Variants in TIAM1 observed in about 807,000 individuals in gnomAD.
The protein encoded by TIAM1 is rho guanine nucleotide exchange factor TIAM1.
Under a neutral mutation model 163.5 loss-of-function variants are expected in TIAM1, and 65 were observed. That is an observed-to-expected ratio of 0.40 (90% CI 0.33 to 0.49). The LOEUF is 0.49. Among genes scored for constraint, TIAM1 ranks in the 20% least tolerant of loss-of-function variants. The pLI, the probability that TIAM1 is intolerant of heterozygous loss-of-function variation, is 0.77. For missense variants in TIAM1, 1,789 were observed against 2,044.7 expected, an observed-to-expected ratio of 0.87 and a Z score of 2.41; for synonymous variants, 833 against 810.1, an observed-to-expected ratio of 1.03 and a Z score of -0.48.
At chr21:31,361,307 C>G (rs893035999) in intron 2 of TIAM1, among the ~76,000 whole-genome samples, 3 of 151,878 alleles carry the variant, frequency 2.0e-5, no homozygotes, top group Non-Finnish European at 4.4e-5. Flanking sequence ...AATTAAACTA[C>G]AGTGCTTAAG....
rs1166130926 is a variant in TIAM1, at chr21:31,182,602, A to G, written c.2706T>C (p.Ala902=). 6.2e-7 allele frequency: 1 copy of G among 1,613,540 alleles called. No homozygotes were observed. The highest frequency in any genetic ancestry group is 2.2e-5 in the East Asian group (1 of 44,874). The change falls in exon 15 of 28, where the codon GCT becomes GCC. Residue 902 remains alanine (A), a synonymous_variant. Transcript: ENST00000541036. ...GCATAGAAGAGTTCAGGGCGTCAGC[A>G]GCACGATTATTGATCTCAAGAATCT... ...GDEILEINNR[A]ADALNSSMLK...
At chr21:31,389,681 C>T (rs1050861374) in intron 2 of TIAM1, among the ~76,000 whole-genome samples, 1 of 152,198 alleles carries the variant, frequency 6.6e-6, no homozygotes, top group Non-Finnish European at 1.5e-5. Flanking sequence ...AAGTCCCATG[C>T]GTTGGATACT....
At chr21:31,504,268 G>C (rs2046956777) in intron 1 of TIAM1, among the ~76,000 whole-genome samples, 1 of 152,226 alleles carries the variant, frequency 6.6e-6, no homozygotes, top group East Asian at 1.9e-4. Flanking sequence ...GTAAAAGGGA[G>C]ATCTGATTTA....
chr21:31,342,320 A>C (rs1346694198), intron 1 of TIAM1, among the ~76,000 whole-genome samples: 2 of 152,090 alleles, frequency 1.3e-5, no homozygotes, highest in Admixed American at 1.3e-4. Context: ...AAATATAACC[A>C]ACCAGAGACA....
In TIAM1 at chr21:31,217,597, C is replaced by CT; in HGVS notation, c.2097_2098insA (p.Asp700ArgfsTer33). 1 of 1,614,062 alleles carries CT rather than the reference C, an allele frequency of 6.2e-7. No individual in the cohort carries two copies. Among genetic ancestry groups the CT allele is most frequent in the Admixed American group, 1.7e-5 (1 of 60,000 alleles). ...CCCTGCTTCTTTTTGGAGGTAGTAT[C>CT]CAGACCCCACAGAGAAGAAAACCTG... On this transcript the variant is annotated frameshift_variant, in exon 9 of 28. Transcript: ENST00000541036. LOFTEE classifies it high-confidence loss of function.
chr21:31,316,970 G>A lies in TIAM1; in HGVS notation c.-189+22273C>T, dbSNP rs76690832. Among the ~76,000 whole-genome samples, 742 of 152,264 alleles carry A rather than the reference G, an allele frequency of 4.9e-3. 5 individuals are homozygous for A. Among genetic ancestry groups the A allele is most frequent in the African/African-American group, 0.016 (685 of 41,550 alleles). On this transcript the variant is annotated intron_variant, in intron 2 of 27. Transcript: ENST00000541036. ...GGCCAGGGATGTCCAGGAAACCTACGTTGCTGTACCTCTGAGTCACAACCT... is the reference window on the plus strand; with the variant it reads ...GGCCAGGGATGTCCAGGAAACCTACATTGCTGTACCTCTGAGTCACAACCT...
chr21:31,382,221 G>T (rs1178522668), intron 2 of TIAM1, among the ~76,000 whole-genome samples: 1 of 152,172 alleles, frequency 6.6e-6, no homozygotes, highest in East Asian at 1.9e-4. Flanking sequence ...GAGACCTCTG[G>T]GGCTAGATGT....
rs868585803 is a variant in TIAM1, at chr21:31,225,855, G to A, written c.1680C>T (p.Leu560=). 3.7e-6 allele frequency: 6 copies of A among 1,614,028 alleles called. No homozygotes were observed. The highest frequency in any genetic ancestry group is 5.1e-6 in the Non-Finnish European group (6 of 1,180,052). The change falls in exon 7 of 28, where the codon CTC becomes CTT. Residue 560 remains leucine (L), a synonymous_variant. Transcript: ENST00000541036. ...TTTTGATCTCTGATTTCAGGAGTCG[G>A]AGCGTGTCTTCCTTGTGGTGGTGCC... ...VARHHHKEDT[L]RLLKSEIKKL...
intron 14 of TIAM1, among the ~76,000 whole-genome samples, chr21:31,186,564 G>A (rs2085314290): frequency 6.6e-6 from 1 of 152,098 alleles, no homozygotes; most frequent in African/African-American, 2.4e-5. Context: ...TTGAGCCCAG[G>A]AGCTCAAGAA....
chr21:31,281,531 G>A (rs1382851169), intron 2 of TIAM1, among the ~76,000 whole-genome samples: 38 of 152,180 alleles, frequency 2.5e-4, no homozygotes, highest in Non-Finnish European at 7.3e-5. Context: ...AACAGTGGGG[G>A]CAGAAGTCTT....
At chr21:31,185,413 TATA>T in intron 14 of TIAM1, among the ~76,000 whole-genome samples, 3 of 135,502 alleles carry the variant, frequency 2.2e-5, no homozygotes, top group Non-Finnish European at 4.5e-5. Flanking sequence ...TATAATTATA[TATA>T]ATTATGTTAT....
intron 1 of TIAM1, among the ~76,000 whole-genome samples, chr21:31,505,208 A>G (rs1212755934): frequency 1.3e-5 from 2 of 152,112 alleles, no homozygotes; most frequent in Non-Finnish European, 2.9e-5. Context: ...CAGTTTCCTC[A>G]CCTACAAGAT....
chr21:31,156,512 G>A (rs2083628843), intron 16 of TIAM1, among the ~76,000 whole-genome samples: 1 of 152,154 alleles, frequency 6.6e-6, no homozygotes, highest in South Asian at 2.1e-4. Flanking sequence ...ATCAAAGCTT[G>A]TTTCAGTAGA....
chr21:31,369,000 G>C (rs1218686823), intron 2 of TIAM1, among the ~76,000 whole-genome samples: 1 of 152,130 alleles, frequency 6.6e-6, no homozygotes, highest in Non-Finnish European at 1.5e-5. Context: ...AGCACTTTGG[G>C]AGGCCGAGGC....
At chr21:31,253,377 T>C (rs937340699) in intron 4 of TIAM1, among the ~76,000 whole-genome samples, 1 of 152,266 alleles carries the variant, frequency 6.6e-6, no homozygotes, top group Non-Finnish European at 1.5e-5. Context: ...TGAATTACCA[T>C]ACAAATGAAT....
intron 15 of TIAM1, among the ~76,000 whole-genome samples, chr21:31,169,638 T>C (rs954669849): frequency 6.6e-6 from 1 of 152,122 alleles, no homozygotes; most frequent in African/African-American, 2.4e-5. Context: ...CGCTAAAGGA[T>C]GTACTTTCAG....
rs539933660 is a variant in TIAM1, at chr21:31,506,456, T to G, written c.-421-42421A>C. Among the ~76,000 whole-genome samples, 3 of 152,342 alleles carry G rather than the reference T, an allele frequency of 2.0e-5. No individual in the cohort carries two copies. The South Asian group carries it at 6.2e-4, about 32-fold the overall frequency. ...ATCCATCTTCCGAACTCTTTCCATC[T>G]TGCTAAACTGAAAGTCTATACCCGT... On this transcript the variant is annotated intron_variant, in intron 1 of 28. Coordinates refer to the TIAM1 transcript ENST00000286827.
Position 31,372,701 on chromosome 21 carries a change from G to A in TIAM1, c.-368-33279C>T, listed in dbSNP as rs1035418844. On this transcript the variant is annotated intron_variant, in intron 2 of 28. Transcript: ENST00000286827. Reference sequence around the variant, plus strand: ...AAGATACAAAACTGGCTGGGTAGGTGGCTTACACCTGTAATCCCCCAGCAC... The same window carrying A: ...AAGATACAAAACTGGCTGGGTAGGTAGCTTACACCTGTAATCCCCCAGCAC... Among the ~76,000 whole-genome samples, 3 of 152,278 alleles carry A rather than the reference G, an allele frequency of 2.0e-5. No homozygotes were observed. The East Asian group carries it at 5.8e-4, about 29-fold the overall frequency.
rs531148721 is a variant in TIAM1, at chr21:31,245,043, A to C, written c.1584+445T>G. ...GAAGAGAAACTGTTTAGGTGATGCCAGTCATTTCTGAGATGTCATTATTTT... is the reference window on the plus strand; with the variant it reads ...GAAGAGAAACTGTTTAGGTGATGCCCGTCATTTCTGAGATGTCATTATTTT... On this transcript the variant is annotated intron_variant, in intron 6 of 27. Transcript: ENST00000541036. Among the ~76,000 whole-genome samples, 150 of 152,308 alleles carry C rather than the reference A, an allele frequency of 9.8e-4. 1 individual carries two copies. The highest frequency in any genetic ancestry group is 1.4e-3 in the Admixed American group (22 of 15,294).
Sources: allele counts gnomAD v4.1 joint callset (sites outside exome capture counted in the v4.1 genomes callset), GRCh38; gene constraint gnomAD v4.1.1; transcripts MANE v1.5; gene names NCBI Gene and HGNC (gene_info 2026-07-23, HGNC 2026-07-21).